NOL9: variants seen among roughly 807,000 people sequenced by gnomAD.
The protein encoded by NOL9 is nucleolar protein 9.
NOL9 carries 28 observed loss-of-function variants against 67.9 expected under a neutral mutation model. That is an observed-to-expected ratio of 0.41 (90% CI 0.31 to 0.57). The LOEUF is 0.57. Among genes scored for constraint, NOL9 ranks in the 20% least tolerant of loss-of-function variants. The pLI is 0.25. For synonymous variants in NOL9, 356 were observed against 352.2 expected (o/e 1.01, Z -0.12); for missense variants, 777 against 897.0 (o/e 0.87, Z 1.71).
intron 5 of NOL9, among the ~76,000 whole-genome samples, chr1:6,542,622 T>A (rs932291088): frequency 2.0e-5 from 3 of 151,762 alleles, no homozygotes; most frequent in Non-Finnish European, 4.4e-5. Context: ...CACGCCCGGC[T>A]AATTTTTTCT....
chr1:6,528,271 G>A (rs1638935598), intron 10 of NOL9, among the ~76,000 whole-genome samples: 1 of 152,186 alleles, frequency 6.6e-6, no homozygotes, highest in Non-Finnish European at 1.5e-5. Flanking sequence ...CCAGGCTGTG[G>A]CACAATTGCG....
Position 6,523,100 on chromosome 1 carries a change from T to C in NOL9, c.*2754A>G. 6.8e-6 allele frequency: 1 copy of C among 146,030 alleles called. No homozygotes were observed. The allele number at this position is 146,030 out of a possible 1,614,324, so 9.0% of individuals were successfully genotyped here. A position where few individuals can be genotyped will look rare whatever the true frequency, so the allele number is the denominator to read the frequency against. ...CACTTGAACCCGGGAGGGGAGAGGC[T>C]GTAGTGAGCCAAGGTCGTGCCACTG... On this transcript the variant is annotated 3_prime_UTR_variant, in exon 12 of 12. Transcript: ENST00000377705.
At position 6,554,127 on chromosome 1, in the gene NOL9, G is replaced by A. The variant is rs1233758911; in HGVS notation, c.376C>T (p.Leu126=). 2.6e-6 allele frequency: 4 copies of A among 1,530,284 alleles called. No individual in the cohort carries two copies. The highest frequency in any genetic ancestry group is 2.7e-5 in the East Asian group (1 of 37,718). 94.8% of individuals were successfully genotyped at this position (1,530,284 alleles called of 1,614,324 possible). The change falls in exon 1 of 12, where the codon CTG becomes TTG. Residue 126 remains leucine (L), a synonymous_variant. Transcript: ENST00000377705. ...CCTACCTGCTCGACCGGCAGCAGCA[G>A]CAACGCGCGGCCGGGGCCCACGGGC... The part of the protein sequence containing the change: ...VRPVGPGRAL[L]LLPVEQGFTF...
Position 6,550,519 on chromosome 1 carries a change from T to C in NOL9, c.493A>G (p.Ile165Val). Reference protein sequence around the residue: ...TISQGQPAQDIFSVYTHSCLS... With the variant: ...TISQGQPAQDVFSVYTHSCLS... Reference sequence around the variant, plus strand: ...CAAGAGTGGGTATACACAGAGAAGATGTCTTGGGCAGGCTGGCCTTGGCTG... The same window carrying C: ...CAAGAGTGGGTATACACAGAGAAGACGTCTTGGGCAGGCTGGCCTTGGCTG... The change falls in exon 2 of 12, where the codon ATC becomes GTC. Residue 165 changes from isoleucine (I) to valine (V), a missense_variant. This residue lies in a region of NOL9 where 364 missense variants were observed against 344.4 expected (regional missense o/e 1.06). Coordinates refer to ENST00000377705, the MANE Select transcript of NOL9 (RefSeq NM_024654.5). 6.2e-7 allele frequency: 1 copy of C among 1,614,116 alleles called. No homozygotes were observed. The highest frequency in any genetic ancestry group is 2.2e-5 in the East Asian group (1 of 44,880).
Position 6,521,977 on chromosome 1 carries a change from A to C in NOL9, c.*3877T>G, listed in dbSNP as rs1638779796. On this transcript the variant is annotated 3_prime_UTR_variant, in exon 12 of 12. Coordinates refer to ENST00000377705, the MANE Select transcript of NOL9 (RefSeq NM_024654.5). Reference sequence around the variant, plus strand: ...AAGTTACACCACTGACAAGTGGTAGAGCCAGGATTTGAACTCAGAGCTCTA... The same window carrying C: ...AAGTTACACCACTGACAAGTGGTAGCGCCAGGATTTGAACTCAGAGCTCTA... 6.6e-6 allele frequency: 1 copy of C among 152,228 alleles called. No individual in the cohort carries two copies. The highest frequency in any genetic ancestry group is 2.4e-5 in the African/African-American group (1 of 41,450). 9.4% of individuals were successfully genotyped at this position (152,228 alleles called of 1,614,324 possible).
At chr1:6,533,073 G>A (rs1230887787) in intron 7 of NOL9, among the ~76,000 whole-genome samples, 1 of 152,320 alleles carries the variant, frequency 6.6e-6, no homozygotes, top group East Asian at 1.9e-4. Flanking sequence ...TACTCTGGAA[G>A]CTGAGGTGGG....
At chr1:6,552,580 A>G (rs1305241706) in intron 1 of NOL9, among the ~76,000 whole-genome samples, 1 of 143,752 alleles carries the variant, frequency 7.0e-6, no homozygotes, top group Non-Finnish European at 1.5e-5. Context: ...GTGCCACCAC[A>G]TCTCAAACTC....
In NOL9 at chr1:6,526,035, C is replaced by A. The variant is rs968847444; in HGVS notation, c.1960-32G>T. On this transcript the variant is annotated intron_variant, in intron 11 of 11. Coordinates refer to ENST00000377705, the MANE Select transcript of NOL9 (RefSeq NM_024654.5). ...CGGAAACACAGAGAATGCATGGAAA[C>A]ACTCCAGGTCCAGCCCAGAGGGGTT... 5 of 1,603,906 alleles carry A rather than the reference C, an allele frequency of 3.1e-6. No homozygotes were observed. The East Asian group carries it at 8.9e-5, about 29-fold the overall frequency.
rs368549420 is a variant in NOL9, at chr1:6,532,659, G to C, written c.1339C>G (p.Pro447Ala). The change falls in exon 8 of 12, where the codon CCG becomes GCG. Residue 447 changes from proline (P) to alanine (A), a missense_variant. Transcript: ENST00000377705. ...DHSKYMPDLT[P>A]QYVDDMDGLY... Reference sequence around the variant, plus strand: ...CCATCCATGTCATCTACATACTGCGGGGTAAGGTCTGGCATATATTTACTG... The same window carrying C: ...CCATCCATGTCATCTACATACTGCGCGGTAAGGTCTGGCATATATTTACTG... The C allele has an allele frequency of 8.7e-6, 14 of 1,614,028 alleles. No homozygotes were observed. Among genetic ancestry groups the C allele is most frequent in the Middle Eastern group, 1.6e-4 (1 of 6,082 alleles).
chr1:6,534,069 T>C (rs1225521586), intron 6 of NOL9, among the ~76,000 whole-genome samples: 3 of 152,046 alleles, frequency 2.0e-5, no homozygotes, highest in South Asian at 2.1e-4. Context: ...GTATTTTTAG[T>C]AGAGACGGGG....
chr1:6,532,159 C>G (rs533134147), intron 8 of NOL9, 80 bp from the exon 9 acceptor site: 5 of 1,096,436 alleles, frequency 4.6e-6, no homozygotes, highest in Non-Finnish European at 7.0e-6. Flanking sequence ...ACAGAGGTCA[C>G]ATTTTCACAG....
chr1:6,526,095 T>C, intron 11 of NOL9, 92 bp from the exon 12 acceptor site: 1 of 1,156,264 alleles, frequency 8.6e-7, no homozygotes, highest in Non-Finnish European at 1.3e-6. Context: ...GGCAGTGTCA[T>C]GGTGATGGTC....
chr1:6,522,385 A>T lies in NOL9; in HGVS notation c.*3469T>A, dbSNP rs1638788964. ...ACCAATAAAGTGAAACGCCATCTCT[A>T]CTAAAAATACAAAAATTAGCTGGGT... On this transcript the variant is annotated 3_prime_UTR_variant, in exon 12 of 12. Coordinates refer to ENST00000377705, the MANE Select transcript of NOL9 (RefSeq NM_024654.5). 1 of 151,482 alleles carries T rather than the reference A, an allele frequency of 6.6e-6. No individual in the cohort carries two copies. Among genetic ancestry groups the T allele is most frequent in the African/African-American group, 2.4e-5 (1 of 41,138 alleles). 9.4% of individuals were successfully genotyped at this position (151,482 alleles called of 1,614,324 possible).
At position 6,531,492 on chromosome 1, in the gene NOL9, T is replaced by C. The variant is rs555465030; in HGVS notation, c.1647+476A>G. Among the ~76,000 whole-genome samples, 234 of 152,104 alleles carry C rather than the reference T, an allele frequency of 1.5e-3. 2 individuals carry two copies. The highest frequency in any genetic ancestry group is 0.014 in the Middle Eastern group (4 of 294). ...CCTCCCAAAGTGCTGGGATTACAGG[T>C]GTGAGCCACCACGCCCGGCTAATGT... On this transcript the variant is annotated intron_variant, in intron 9 of 11. Coordinates refer to ENST00000377705, the MANE Select transcript of NOL9 (RefSeq NM_024654.5).
chr1:6,547,610 C>G (rs1639446334), intron 3 of NOL9, among the ~76,000 whole-genome samples: 1 of 152,062 alleles, frequency 6.6e-6, no homozygotes, highest in South Asian at 2.1e-4. Context: ...CCTGTAATCT[C>G]AGCACTTTTG....
chr1:6,526,686 G>C lies in NOL9; in HGVS notation c.1959+10C>G. 6.2e-7 allele frequency: 1 copy of C among 1,606,964 alleles called. No individual in the cohort carries two copies. Among genetic ancestry groups the C allele is most frequent in the Middle Eastern group, 1.7e-4 (1 of 6,024 alleles). On this transcript the variant is annotated intron_variant, in intron 11 of 11. Transcript: ENST00000377705. ...GCTCCTTCCAGGGCTGTGCCCGGGG[G>C]AAGGCTCACCTGGCACTTAAGGACA... is the stretch of plus-strand genomic sequence containing the variant.
chr1:6,553,981 G>A (rs534081375), intron 1 of NOL9, 126 bp downstream of exon 1: 2 of 741,196 alleles, frequency 2.7e-6, no homozygotes, highest in African/African-American at 1.9e-5. Context: ...GGATGGACTT[G>A]AATCCGACTG....
chr1:6,530,896 C>T lies in NOL9; in HGVS notation c.1647+1072G>A, dbSNP rs142733974. Among the ~76,000 whole-genome samples the T allele has an allele frequency of 8.1e-3, 1,229 of 152,354 alleles. 19 individuals are homozygous for T. Among genetic ancestry groups the T allele is most frequent in the African/African-American group, 0.027 (1,120 of 41,580 alleles). On this transcript the variant is annotated intron_variant, in intron 9 of 11. Transcript: ENST00000377705. Reference sequence around the variant, plus strand: ...CCTGGGCTCAGAGTCGGGCGTCCTGCGGCTTCAGTCCTAGCCTCAACTTTG... The same window carrying T: ...CCTGGGCTCAGAGTCGGGCGTCCTGTGGCTTCAGTCCTAGCCTCAACTTTG...
chr1:6,539,018 G>C (rs1000394092), intron 6 of NOL9, among the ~76,000 whole-genome samples: 1 of 152,112 alleles, frequency 6.6e-6, no homozygotes, highest in Non-Finnish European at 1.5e-5. Context: ...TCAAGGACTG[G>C]AACAGACATT....
Sources: gnomAD v4.1 joint callset for allele counts (sites outside exome capture counted in the v4.1 genomes callset) on GRCh38, gnomAD v4.1.1 for gene constraint, gnomAD v4.1.1 regional missense constraint, MANE v1.5 for transcripts, NCBI Gene and HGNC (gene_info 2026-07-23, HGNC 2026-07-21) for gene names.